ECM1: variants seen among roughly 807,000 people sequenced by gnomAD.
ECM1 encodes the protein secretory component p85.
ECM1 carries 54 observed loss-of-function variants against 57.9 expected under a neutral mutation model. The ratio of observed to expected loss-of-function variants is 0.93; its 90% CI spans 0.75 to 1.17. The LOEUF (loss-of-function observed/expected upper bound fraction) is 1.17. Ranked by LOEUF, ECM1 falls within the 50% of genes most tolerant of loss-of-function variation. The probability of loss-of-function intolerance (pLI) is 0.00; values close to 1 mark genes in which losing one functional copy is unlikely to be tolerated. For synonymous variants in ECM1, 237 were observed against 259.1 expected (o/e 0.91, Z 0.82); for missense variants, 649 against 688.1 (o/e 0.94, Z 0.64).
intron 1 of ECM1, chr1:150,509,190 A>G: frequency 2.4e-6 from 1 of 421,712 alleles, no homozygotes; most frequent in South Asian, 2.3e-5. Flanking sequence ...ATCCCAGCAG[A>G]GACTGGGGAG....
At chr1:150,511,252 G>T (rs1310488868) in intron 6 of ECM1, 54 bp downstream of exon 6, 1 of 1,608,978 alleles carries the variant, frequency 6.2e-7, no homozygotes, top group South Asian at 1.1e-5. Context: ...GACAGTATGT[G>T]TGTTTTAAGG....
In ECM1 at chr1:150,513,356, G is replaced by C; in HGVS notation, c.1512G>C (p.Leu504=). ...TCAACTGCTTCAACATCAATTATCT[G>C]AGGAACGTGGCTCTAGTGTCTGGAG... ...EQVNCFNINY[L]RNVALVSGDT... Residue 504 remains leucine, a synonymous_variant, in exon 10 of 10, where the codon CTG becomes CTC. Coordinates refer to ENST00000369047, the MANE Select transcript of ECM1 (RefSeq NM_004425.4). 6.2e-7 allele frequency: 1 copy of C among 1,614,214 alleles called. No individual in the cohort carries two copies. Among genetic ancestry groups the C allele is most frequent in the South Asian group, 1.1e-5 (1 of 91,082 alleles).
chr1:150,508,410 A>C, intron 1 of ECM1, 131 bp downstream of exon 1: 7 of 920,354 alleles, frequency 7.6e-6, no homozygotes, highest in African/African-American at 1.6e-5. Context: ...AGCAGGCCCA[A>C]AGTGGGCCTA....
intron 5 of ECM1, chr1:150,510,616 C>G: frequency 1.7e-6 from 1 of 592,252 alleles, no homozygotes; most frequent in Non-Finnish European, 3.0e-6. Flanking sequence ...GCTCAGGACC[C>G]TGGGGAGAGG....
At chr1:150,508,651 A>G (rs1400883986) in intron 1 of ECM1, among the ~76,000 whole-genome samples, 2 of 152,088 alleles carry the variant, frequency 1.3e-5, no homozygotes, top group African/African-American at 4.8e-5. Context: ...TTGCTGGCCC[A>G]GCAAGCCTCG....
At position 150,511,133 on chromosome 1, in the gene ECM1, A is replaced by G. The variant is rs1670427834; in HGVS notation, c.643A>G (p.Ile215Val). Residue 215 changes from isoleucine to valine, a missense_variant, in exon 6 of 10, where the codon ATT becomes GTT. Physicochemically the swap from Ile to Val is conservative, Grantham distance 29 (BLOSUM62 3). Coordinates refer to ENST00000369047, the MANE Select transcript of ECM1 (RefSeq NM_004425.4). ...RQGETLNFLE[I>V]GYSRCCHCRS... The stretch of plus-strand genomic sequence containing the variant: ...GGGTGAGACCCTCAATTTCCTGGAG[A>G]TTGGATATTCCCGCTGCTGCCACTG... 6.2e-7 allele frequency: 1 copy of G among 1,614,020 alleles called. No individual in the cohort carries two copies. Among genetic ancestry groups the G allele is most frequent in the African/African-American group, 1.3e-5 (1 of 74,904 alleles).
In ECM1 at chr1:150,509,687, C is replaced by G; in HGVS notation, c.148C>G (p.Pro50Ala). The change falls in exon 3 of 10, where the codon CCC becomes GCC. Residue 50 changes from proline to alanine, a missense_variant. Pro to Ala is a conservative substitution (Grantham distance 27). Transcript: ENST00000369047. Reference sequence around the variant, plus strand: ...TGGCTACGCAGCTCCCCCCTCCCCACCCCTATCCCGAAGCCTCCCCATGGA... The same window carrying G: ...TGGCTACGCAGCTCCCCCCTCCCCAGCCCTATCCCGAAGCCTCCCCATGGA... ...EVGYAAPPSP[P>A]LSRSLPMDHP... 6.2e-7 allele frequency: 1 copy of G among 1,612,454 alleles called. No homozygotes were observed. Among genetic ancestry groups the G allele is most frequent in the Non-Finnish European group, 8.5e-7 (1 of 1,178,736 alleles).
chr1:150,510,954 G>A lies in ECM1; in HGVS notation c.464G>A (p.Arg155Gln), dbSNP rs371268433. 40 of 1,614,064 alleles carry A rather than the reference G, an allele frequency of 2.5e-5. No individual in the cohort carries two copies. The highest frequency in any genetic ancestry group is 2.3e-4 in the African/African-American group (17 of 74,910). ...WNAAQHCQQD[R>Q]SQGGWGHRLD... ...GCAGCCCAGCACTGCCAACAGGACC[G>A]GTCCCAAGGGGGCTGGGGCCACCGG... Residue 155 changes from arginine (R) to glutamine (Q), a missense_variant, in exon 6 of 10, where the codon CGG becomes CAG. By Grantham distance (43) the Arg-to-Gln change is conservative (BLOSUM62 1). Coordinates refer to ENST00000369047, the MANE Select transcript of ECM1 (RefSeq NM_004425.4).
At position 150,511,451 on chromosome 1, in the gene ECM1, C is replaced by G; in HGVS notation, c.709-6C>G. On this transcript the variant is annotated splice_region_variant and splice_polypyrimidine_tract_variant and intron_variant, in intron 6 of 9. Transcript: ENST00000369047. ...AAAGTGGGCTGATCCTCCCCTCTTGCTCTAGTGGGAGGAAGCAATGAGCCG... is the reference window on the plus strand; with the variant it reads ...AAAGTGGGCTGATCCTCCCCTCTTGGTCTAGTGGGAGGAAGCAATGAGCCG... The G allele has an allele frequency of 6.2e-7, 1 of 1,614,106 alleles. No individual in the cohort carries two copies. Among genetic ancestry groups the G allele is most frequent in the African/African-American group, 1.3e-5 (1 of 75,030 alleles).
At chr1:150,510,824 C>T in intron 5 of ECM1, 52 bp from the exon 6 acceptor site, 7 of 1,587,504 alleles carry the variant, frequency 4.4e-6, no homozygotes, top group Non-Finnish European at 6.1e-6. Context: ...CTCATCCAGC[C>T]TTTGTGGGTT....
chr1:150,509,578 G>T lies in ECM1; in HGVS notation c.118G>T (p.Glu40Ter). The T allele has an allele frequency of 6.2e-7, 1 of 1,614,154 alleles. No homozygotes were observed. Among genetic ancestry groups the T allele is most frequent in the Non-Finnish European group, 8.5e-7 (1 of 1,180,020 alleles). ...QRQLRPEHFQ[E>*]VGYAAPPSPP... ...GCAGCTGAGGCCAGAGCACTTTCAAGAAGGTAAGAGTTTGGGGGAGCAGCA... is the reference window on the plus strand; with the variant it reads ...GCAGCTGAGGCCAGAGCACTTTCAATAAGGTAAGAGTTTGGGGGAGCAGCA... The change falls in exon 2 of 10, where the codon GAA becomes TAA. Residue 40 changes from glutamate (E) to a stop codon, truncating the protein, a stop_gained. Transcript: ENST00000369047. LOFTEE classifies it high-confidence loss of function.
intron 8 of ECM1, 22 bp from the exon 9 acceptor site, chr1:150,512,703 T>C: frequency 6.2e-7 from 1 of 1,613,818 alleles, no homozygotes. Flanking sequence ...CCCTAACCCC[T>C]GCCCCTTTCA....
chr1:150,511,143 C>T lies in ECM1; in HGVS notation c.653C>T (p.Ser218Phe). The T allele has an allele frequency of 1.2e-6, 2 of 1,614,240 alleles. No individual in the cohort carries two copies. Among genetic ancestry groups the T allele is most frequent in the Non-Finnish European group, 8.5e-7 (1 of 1,180,038 alleles). The change falls in exon 6 of 10, where the codon TCC (serine) becomes TTC (phenylalanine). Residue 218 changes from serine to phenylalanine, a missense_variant. Coordinates refer to ENST00000369047, the MANE Select transcript of ECM1 (RefSeq NM_004425.4). ...CTCAATTTCCTGGAGATTGGATATT[C>T]CCGCTGCTGCCACTGCCGCAGCCAC... ...ETLNFLEIGY[S>F]RCCHCRSHTN...
intron 6 of ECM1, 100 bp downstream of exon 6, chr1:150,511,298 G>A: frequency 1.3e-6 from 2 of 1,590,424 alleles, no homozygotes; most frequent in South Asian, 1.1e-5. Context: ...AGGAACCTCA[G>A]GTCCCGTTCA....
Position 150,511,797 on chromosome 1 carries a change from G to A in ECM1, c.1049G>A (p.Arg350His), listed in dbSNP as rs149844916. ...GAGAGGGAGTTCCAGCGCTGCTGCC[G>A]CCAGGGGAACAATCACACCTGTACA... Reference protein sequence around the residue: ...QLEREFQRCCRQGNNHTCTWK... With the variant: ...QLEREFQRCCHQGNNHTCTWK... The change falls in exon 7 of 10, where the codon CGC (arginine) becomes CAC (histidine). Residue 350 changes from arginine to histidine, a missense_variant. Physicochemically the swap from Arg to His is conservative, Grantham distance 29. Coordinates refer to ENST00000369047, the MANE Select transcript of ECM1 (RefSeq NM_004425.4). 357 of 1,612,418 alleles carry A rather than the reference G, an allele frequency of 2.2e-4. 1 individual carries two copies. The highest frequency in any genetic ancestry group is 2.8e-4 in the Non-Finnish European group (329 of 1,178,948).
chr1:150,509,442 C>G (rs1670372284), intron 1 of ECM1, 89 bp from the exon 2 acceptor site: 1 of 1,433,902 alleles, frequency 7.0e-7, no homozygotes, highest in Non-Finnish European at 9.8e-7. Flanking sequence ...GTCTGTCCTA[C>G]ACTCTTGATC....
At position 150,511,616 on chromosome 1, in the gene ECM1, G is replaced by C; in HGVS notation, c.868G>C (p.Asp290His). Residue 290 changes from aspartate (D) to histidine (H), a missense_variant, in exon 7 of 10, where the codon GAT becomes CAT. By Grantham distance (81) the Asp-to-His change is moderately conservative. Transcript: ENST00000369047. ...QLRACPSHQP[D>H]ISSGLELPFP... ...CCGGGCCTGCCCCAGCCATCAGCCT[G>C]ATATTTCCTCGGGTCTTGAGCTGCC... is the stretch of plus-strand genomic sequence containing the variant. The C allele has an allele frequency of 6.2e-7, 1 of 1,614,150 alleles. No homozygotes were observed. The highest frequency in any genetic ancestry group is 8.5e-7 in the Non-Finnish European group (1 of 1,180,034).
In ECM1 at chr1:150,509,466, C is replaced by T. The variant is rs1482634884; in HGVS notation, c.71-65C>T. The T allele has an allele frequency of 1.3e-5, 21 of 1,571,936 alleles. No homozygotes were observed. In the East Asian group the frequency reaches 4.7e-4, roughly 35 times the overall value. Reference sequence around the variant, plus strand: ...ACACTCTTGATCTCCACAGCCTCCCCATCCCTTGCTGAAGTCCAGGGAAGG... The same window carrying T: ...ACACTCTTGATCTCCACAGCCTCCCTATCCCTTGCTGAAGTCCAGGGAAGG... On this transcript the variant is annotated intron_variant, in intron 1 of 9. Transcript: ENST00000369047.
rs951689694 is a variant in ECM1 at position 150,510,672 on chromosome 1, C to T, written c.386-204C>T. ...AGAAGCAGGAGGAGGTGGGGGCAGG[C>T]TGTGAGCTGACACCTTTCACACCTC... is the stretch of plus-strand genomic sequence containing the variant. On this transcript the variant is annotated intron_variant, in intron 5 of 9. Transcript: ENST00000369047. 4 of 652,690 alleles carry T rather than the reference C, an allele frequency of 6.1e-6. No homozygotes were observed. In the African/African-American group the frequency reaches 7.2e-5, roughly 12 times the overall value. The allele number at this position is 652,690 out of a possible 1,614,324, so 40.4% of individuals were successfully genotyped here. A position where few individuals can be genotyped will look rare whatever the true frequency, so the allele number is the denominator to read the frequency against.
Sources: gnomAD v4.1 joint callset for allele counts (sites outside exome capture counted in the v4.1 genomes callset) on GRCh38, gnomAD v4.1.1 for gene constraint, MANE v1.5 for transcripts, NCBI Gene and HGNC (gene_info 2026-07-23, HGNC 2026-07-21) for gene names.